CNTNAP2: variants seen among roughly 807,000 people sequenced by gnomAD.
CNTNAP2 encodes contactin-associated protein-like 2.
A neutral mutation model predicts 155.2 loss-of-function variants in CNTNAP2; 98 were observed. That is an observed-to-expected ratio of 0.63 (90% CI 0.54 to 0.75). The LOEUF (loss-of-function observed/expected upper bound fraction) is 0.75, where lower values mean the gene tolerates loss of function less well. CNTNAP2 is among the 30% of genes least tolerant of loss of function. CNTNAP2 has a pLI of 0.00. For missense variants in CNTNAP2, 1,727 were observed against 1,688.1 expected (o/e 1.02, Z -0.40); for synonymous variants, 651 against 631.2 (o/e 1.03, Z -0.47).
At chr7:146,750,154 T>C (rs1295103571) in intron 1 of CNTNAP2, among the ~76,000 whole-genome samples, 1 of 152,104 alleles carries the variant, frequency 6.6e-6, no homozygotes, top group African/African-American at 2.4e-5. Flanking sequence ...CAAGCCAAAT[T>C]ATCTCAACAT....
At chr7:147,357,773 G>T (rs561253290) in intron 9 of CNTNAP2, among the ~76,000 whole-genome samples, 1 of 151,992 alleles carries the variant, frequency 6.6e-6, no homozygotes, top group African/African-American at 2.4e-5. Context: ...ACTTCATACT[G>T]TTAAGTAGTT....
intron 10 of CNTNAP2, among the ~76,000 whole-genome samples, chr7:147,413,056 A>G (rs1363730565): frequency 6.6e-6 from 1 of 152,186 alleles, no homozygotes; most frequent in Non-Finnish European, 1.5e-5. Flanking sequence ...AAACTCTCCT[A>G]CCAGTGTCTT....
At chr7:146,636,546 A>G (rs1799603121) in intron 1 of CNTNAP2, among the ~76,000 whole-genome samples, 1 of 152,174 alleles carries the variant, frequency 6.6e-6, no homozygotes, top group Non-Finnish European at 1.5e-5. Flanking sequence ...TTACTTAGCA[A>G]CTTTGTACTA....
At chr7:146,463,010 A>T (rs912365166) in intron 1 of CNTNAP2, among the ~76,000 whole-genome samples, 9 of 152,164 alleles carry the variant, frequency 5.9e-5, no homozygotes, top group African/African-American at 2.2e-4. Context: ...CTTGCAGGTG[A>T]GGTAGGCCTA....
intron 2 of CNTNAP2, among the ~76,000 whole-genome samples, chr7:146,821,521 A>G (rs1046986012): frequency 3.3e-5 from 5 of 152,194 alleles, no homozygotes; most frequent in African/African-American, 1.2e-4. Context: ...AACTACCATC[A>G]GAGTGAACAG....
At chr7:148,247,672 G>C (rs1316324220) in intron 20 of CNTNAP2, among the ~76,000 whole-genome samples, 1 of 105,824 alleles carries the variant, frequency 9.4e-6, no homozygotes. Context: ...TATTTTTTTG[G>C]AGATAGAGTC....
chr7:146,281,405 C>G (rs925720009), intron 1 of CNTNAP2, among the ~76,000 whole-genome samples: 2 of 152,176 alleles, frequency 1.3e-5, no homozygotes, highest in Non-Finnish European at 2.9e-5. Context: ...TCAATTTTAA[C>G]TAATTGAACA....
chr7:148,339,199 T>C (rs1052935469), intron 21 of CNTNAP2, among the ~76,000 whole-genome samples: 2 of 150,256 alleles, frequency 1.3e-5, no homozygotes, highest in African/African-American at 2.5e-5. Context: ...TCCTTGTAGG[T>C]CAACAGTATC....
intron 13 of CNTNAP2, among the ~76,000 whole-genome samples, chr7:147,653,364 G>C (rs927565983): frequency 1.3e-5 from 2 of 151,982 alleles, no homozygotes; most frequent in African/African-American, 4.8e-5. Context: ...AGAGTTCTCC[G>C]AGATCCTGTT....
chr7:146,272,119 C>T (rs1193114674), intron 1 of CNTNAP2, among the ~76,000 whole-genome samples: 2 of 152,148 alleles, frequency 1.3e-5, no homozygotes, highest in Non-Finnish European at 2.9e-5. Flanking sequence ...TTAATTGACT[C>T]ACAGTTCAGA....
At chr7:147,017,539 C>G (rs1240630767) in intron 3 of CNTNAP2, among the ~76,000 whole-genome samples, 1 of 151,886 alleles carries the variant, frequency 6.6e-6, no homozygotes, top group Non-Finnish European at 1.5e-5. Context: ...TTCAAATTAC[C>G]TTTAAATTTT....
intron 1 of CNTNAP2, among the ~76,000 whole-genome samples, chr7:146,435,132 G>A (rs1796223905): frequency 6.6e-6 from 1 of 152,058 alleles, no homozygotes; most frequent in African/African-American, 2.4e-5. Context: ...ATGGTCAGAG[G>A]GTTAATTAAC....
At position 147,636,663 on chromosome 7, in the gene CNTNAP2, C is replaced by T. The variant is rs139513209; in HGVS notation, c.1898-2443C>T. Among the ~76,000 whole-genome samples, 497 of 152,220 alleles carry T rather than the reference C, an allele frequency of 3.3e-3. 3 individuals are homozygous for T. Among genetic ancestry groups the T allele is most frequent in the African/African-American group, 0.011 (468 of 41,536 alleles). On this transcript the variant is annotated intron_variant, in intron 12 of 23. Transcript: ENST00000361727. ...TCTGTGTCCATGTGTTCTCATTTTT[C>T]AACTCCCACTCATGAGTGAGAACAT...
chr7:147,599,388 C>T (rs557690951), intron 12 of CNTNAP2, among the ~76,000 whole-genome samples: 75 of 149,846 alleles, frequency 5.0e-4, no homozygotes, highest in African/African-American at 1.8e-3. Context: ...GAGGCTGAGG[C>T]AGGAGAATCA....
At chr7:146,719,677 A>G (rs984863986) in intron 1 of CNTNAP2, among the ~76,000 whole-genome samples, 1 of 151,860 alleles carries the variant, frequency 6.6e-6, no homozygotes, top group African/African-American at 2.4e-5. Context: ...CCTTGAATTC[A>G]GTTTTCAAAG....
intron 1 of CNTNAP2, among the ~76,000 whole-genome samples, chr7:146,418,628 A>T (rs536162014): frequency 6.6e-6 from 1 of 152,266 alleles, no homozygotes; most frequent in East Asian, 1.9e-4. Flanking sequence ...ATACTCTAAA[A>T]TATATACAGG....
chr7:147,588,039 T>TC (rs2116838851), intron 12 of CNTNAP2, among the ~76,000 whole-genome samples: 1 of 152,218 alleles, frequency 6.6e-6, no homozygotes, highest in African/African-American at 2.4e-5. Flanking sequence ...CATCCAATCA[T>TC]AAATGTTCCA....
intron 5 of CNTNAP2, among the ~76,000 whole-genome samples, chr7:147,113,391 G>A (rs1800922021): frequency 6.6e-6 from 1 of 151,500 alleles, no homozygotes; most frequent in Non-Finnish European, 1.5e-5. Flanking sequence ...AAAAACCAGT[G>A]TATTAAATTC....
chr7:146,944,386 G>A (rs1307184728), intron 3 of CNTNAP2, among the ~76,000 whole-genome samples: 1 of 151,632 alleles, frequency 6.6e-6, no homozygotes, highest in Non-Finnish European at 1.5e-5. Flanking sequence ...ATTATGTGTT[G>A]CATATGGTAT....
Sources: allele counts gnomAD v4.1 joint callset (sites outside exome capture counted in the v4.1 genomes callset), GRCh38; gene constraint gnomAD v4.1.1; transcripts MANE v1.5; gene names NCBI Gene and HGNC (gene_info 2026-07-23, HGNC 2026-07-21).